Variants in GMDS observed in about 807,000 individuals in gnomAD.
The protein encoded by GMDS is GDP-mannose 4,6 dehydratase.
In GMDS, 20 loss-of-function variants were observed where a neutral mutation model predicts 49.9. The ratio of observed to expected loss-of-function variants is 0.40; its 90% CI spans 0.28 to 0.58. The LOEUF is 0.58. GMDS is among the 20% of genes least tolerant of loss of function. The pLI is 0.42. For missense variants in GMDS, 362 were observed against 481.4 expected, an observed-to-expected ratio of 0.75 and a Z score of 2.32; for synonymous variants, 177 against 178.6, an observed-to-expected ratio of 0.99 and a Z score of 0.07.
At chr6:2,129,483 G>A (rs186536492) in intron 1 of GMDS, among the ~76,000 whole-genome samples, 2 of 152,224 alleles carry the variant, frequency 1.3e-5, no homozygotes, top group African/African-American at 2.4e-5. Flanking sequence ...ACCCTGTGGC[G>A]GCTTCTTTGA....
chr6:2,023,953 A>C (rs1437307988), intron 4 of GMDS, among the ~76,000 whole-genome samples: 2 of 152,216 alleles, frequency 1.3e-5, no homozygotes, highest in Non-Finnish European at 2.9e-5. Context: ...TAATCAAAGA[A>C]AACCACAAAT....
chr6:2,120,158 C>T (rs1285378304), intron 2 of GMDS, among the ~76,000 whole-genome samples: 1 of 152,138 alleles, frequency 6.6e-6, no homozygotes, highest in Admixed American at 6.5e-5. Context: ...GGACACCGTT[C>T]TCTGTATGTA....
At chr6:2,186,426 C>T (rs1368616035) in intron 1 of GMDS, among the ~76,000 whole-genome samples, 1 of 152,160 alleles carries the variant, frequency 6.6e-6, no homozygotes, top group African/African-American at 2.4e-5. Flanking sequence ...GCAAAGGGCA[C>T]TATTTAAAGA....
intron 9 of GMDS, among the ~76,000 whole-genome samples, chr6:1,720,115 C>A (rs944096406): frequency 6.6e-6 from 1 of 152,104 alleles, no homozygotes; most frequent in Non-Finnish European, 1.5e-5. Flanking sequence ...TTAATGACAT[C>A]ATTTTAATCT....
At chr6:2,010,862 T>C (rs567701460) in intron 4 of GMDS, among the ~76,000 whole-genome samples, 15 of 151,990 alleles carry the variant, frequency 9.9e-5, no homozygotes, top group Non-Finnish European at 1.8e-4. Context: ...AATGAGGAAA[T>C]GGAAGTATAT....
intron 1 of GMDS, among the ~76,000 whole-genome samples, chr6:2,225,206 T>C (rs1378720068): frequency 2.0e-5 from 3 of 150,980 alleles, no homozygotes; most frequent in Non-Finnish European, 4.4e-5. Context: ...AGTGCACAAC[T>C]GTGGTCCCAG....
At chr6:1,875,508 CA>C (rs1319314529) in intron 7 of GMDS, among the ~76,000 whole-genome samples, 1 of 152,152 alleles carries the variant, frequency 6.6e-6, no homozygotes, top group Non-Finnish European at 1.5e-5. Context: ...ATTACTGTCT[CA>C]AAACCTTTAA....
At position 1,878,281 on chromosome 6, in the gene GMDS, C is replaced by G. The variant is rs1387926650; in HGVS notation, c.771+51822G>C. Among the ~76,000 whole-genome samples the G allele has an allele frequency of 9.5e-5, 13 of 137,170 alleles. No homozygotes were observed. The East Asian group carries it at 2.5e-3, about 27-fold the overall frequency. 90.0% of individuals were successfully genotyped at this position (137,170 alleles called of 152,430 possible). On this transcript the variant is annotated intron_variant, in intron 7 of 10. Transcript: ENST00000380815. ...AGTGAGCCGAGATTGCACCACTGCA[C>G]TCCAGCCTGGGTGACAGAGCGAGAA...
intron 7 of GMDS, among the ~76,000 whole-genome samples, chr6:1,832,007 T>C (rs573484976): frequency 3.1e-4 from 47 of 152,142 alleles, no homozygotes; most frequent in African/African-American, 1.1e-3. Context: ...TTAATAAATA[T>C]ATAAAAACTA....
chr6:1,904,793 G>C (rs997071037), intron 7 of GMDS, among the ~76,000 whole-genome samples: 44 of 152,312 alleles, frequency 2.9e-4, no homozygotes, highest in Non-Finnish European at 4.7e-4. Context: ...CAGCACAGCA[G>C]CTTTGACTGC....
At chr6:2,125,275 T>TAAAACAAAAC (rs374647835) in intron 1 of GMDS, among the ~76,000 whole-genome samples, 11,478 of 151,294 alleles carry the variant, frequency 0.076, 1,478 homozygotes, top group African/African-American at 0.27. Flanking sequence ...TTAGCACTGT[T>TAAAACAAAAC]AAAACAAAAC....
At chr6:1,901,029 T>C (rs998287760) in intron 7 of GMDS, among the ~76,000 whole-genome samples, 11 of 152,234 alleles carry the variant, frequency 7.2e-5, no homozygotes, top group Non-Finnish European at 1.6e-4. Flanking sequence ...GAAAGGCATG[T>C]CTTCAGCAAC....
At chr6:1,649,639 C>A (rs1038030855) in intron 9 of GMDS, among the ~76,000 whole-genome samples, 3 of 152,200 alleles carry the variant, frequency 2.0e-5, no homozygotes, top group Non-Finnish European at 4.4e-5. Flanking sequence ...ATTACTGCAT[C>A]TTTATGTGCA....
intron 7 of GMDS, among the ~76,000 whole-genome samples, chr6:1,777,535 A>T (rs1336588900): frequency 6.6e-6 from 1 of 152,246 alleles, no homozygotes; most frequent in African/African-American, 2.4e-5. Context: ...CTCCATTTCA[A>T]CAGTGTGTGT....
At chr6:2,222,192 C>G (rs1243687519) in intron 1 of GMDS, among the ~76,000 whole-genome samples, 5 of 152,196 alleles carry the variant, frequency 3.3e-5, no homozygotes, top group Admixed American at 2.6e-4. Flanking sequence ...GACCAGCACT[C>G]ACTGTAAGAA....
chr6:1,783,011 C>T (rs1465731332), intron 7 of GMDS, among the ~76,000 whole-genome samples: 5 of 151,844 alleles, frequency 3.3e-5, no homozygotes, highest in South Asian at 4.2e-4. Flanking sequence ...TTAAAATAGT[C>T]GGGCATGTTA....
chr6:1,954,910 G>A (rs1191642118), intron 6 of GMDS, among the ~76,000 whole-genome samples: 1 of 151,994 alleles, frequency 6.6e-6, no homozygotes, highest in Non-Finnish European at 1.5e-5. Flanking sequence ...CAATATTTAC[G>A]GATTAAATTC....
At position 1,629,902 on chromosome 6, in the gene GMDS, C is replaced by T. The variant is rs546824103; in HGVS notation, c.988-5362G>A. On this transcript the variant is annotated intron_variant, in intron 9 of 10. Coordinates refer to ENST00000380815, the MANE Select transcript of GMDS (RefSeq NM_001500.4). ...TGCCCCAGAAACCAGCGACAAAGTC[C>T]GGCTAGTACAGTAGAGCTTTCGTGG... is the stretch of plus-strand genomic sequence containing the variant. Among the ~76,000 whole-genome samples the T allele has an allele frequency of 1.8e-4, 27 of 152,216 alleles. No individual in the cohort carries two copies. In the South Asian group the frequency reaches 3.3e-3, roughly 19 times the overall value.
At chr6:1,740,687 A>ATT (rs35221392) in intron 8 of GMDS, among the ~76,000 whole-genome samples, 18 of 149,936 alleles carry the variant, frequency 1.2e-4, no homozygotes, top group South Asian at 6.3e-4. Flanking sequence ...AAGAAGGCCA[A>ATT]TTTTTTTTTT....
Sources: gnomAD v4.1 joint callset for allele counts (sites outside exome capture counted in the v4.1 genomes callset) on GRCh38, gnomAD v4.1.1 for gene constraint, MANE v1.5 for transcripts, NCBI Gene and HGNC (gene_info 2026-07-23, HGNC 2026-07-21) for gene names.